The following SPATA18 variants were observed in gnomAD, a reference collection of about 807,000 sequenced individuals.
SPATA18 encodes spermatogenesis associated 18.
In SPATA18, 54 loss-of-function variants were observed where a neutral mutation model predicts 68.1. The ratio of observed to expected loss-of-function variants is 0.79; its 90% CI spans 0.64 to 0.99. SPATA18 has a LOEUF of 0.99. Ranked by LOEUF, SPATA18 falls within the 50% of genes least tolerant of loss-of-function variation. The pLI, the probability that SPATA18 is intolerant of heterozygous loss-of-function variation, is 0.00. For missense variants in SPATA18, 724 were observed against 681.1 expected (o/e 1.06, Z -0.70); for synonymous variants, 242 against 244.8 (o/e 0.99, Z 0.11).
At chr4:52,065,857 A>G (rs549784225) in intron 4 of SPATA18, among the ~76,000 whole-genome samples, 1 of 152,342 alleles carries the variant, frequency 6.6e-6, no homozygotes, top group East Asian at 1.9e-4. Context: ...ACCCCCAAGC[A>G]AGGGAAGATT....
chr4:52,085,529 G>T (rs1439901659), intron 11 of SPATA18, among the ~76,000 whole-genome samples: 8 of 152,106 alleles, frequency 5.3e-5, no homozygotes, highest in Non-Finnish European at 1.2e-4. Context: ...AAAAATAACA[G>T]CAAAAACATC....
In SPATA18 at chr4:52,076,767, G is replaced by T. The variant is rs770380541; in HGVS notation, c.759-12G>T. The T allele has an allele frequency of 4.2e-5, 67 of 1,609,346 alleles. No homozygotes were observed. Among genetic ancestry groups the T allele is most frequent in the Non-Finnish European group, 5.4e-5 (64 of 1,177,410 alleles). On this transcript the variant is annotated splice_polypyrimidine_tract_variant and intron_variant, in intron 6 of 12. Transcript: ENST00000295213. Reference sequence around the variant, plus strand: ...CAAAGGATTTCCCTGGCTGATTCTCGCTCACCAACAGGTCCTCCAGGAGCC... The same window carrying T: ...CAAAGGATTTCCCTGGCTGATTCTCTCTCACCAACAGGTCCTCCAGGAGCC...
chr4:52,070,617 T>C (rs1433112784), intron 5 of SPATA18, among the ~76,000 whole-genome samples: 1 of 152,034 alleles, frequency 6.6e-6, no homozygotes, highest in Non-Finnish European at 1.5e-5. Flanking sequence ...CACACCAACA[T>C]GGCACATGTA....
intron 11 of SPATA18, among the ~76,000 whole-genome samples, chr4:52,091,666 T>A (rs1426433982): frequency 6.6e-6 from 1 of 152,202 alleles, no homozygotes; most frequent in Non-Finnish European, 1.5e-5. Flanking sequence ...GAGGGGCACC[T>A]GCCAGATGCC....
chr4:52,089,248 T>A (rs544458976), intron 11 of SPATA18, among the ~76,000 whole-genome samples: 59 of 152,334 alleles, frequency 3.9e-4, no homozygotes, highest in African/African-American at 1.2e-3. Flanking sequence ...CCTGGATTCA[T>A]TGATTTTTTG....
intron 11 of SPATA18, among the ~76,000 whole-genome samples, chr4:52,090,398 T>C (rs1305081956): frequency 6.6e-6 from 1 of 152,208 alleles, no homozygotes; most frequent in East Asian, 1.9e-4. Context: ...CATTTTGGTT[T>C]GTTTTTGCAG....
In SPATA18 at chr4:52,060,809, T is replaced by G; in HGVS notation, c.221T>G (p.Ile74Ser). ...EGGRNDGVET[I>S]KSRLLPWLEA... ...GGACGTAATGATGGTGTGGAAACAATCAAGTCACGCCTTTTGCCTTGGCTG... is the reference window on the plus strand; with the variant it reads ...GGACGTAATGATGGTGTGGAAACAAGCAAGTCACGCCTTTTGCCTTGGCTG... The change falls in exon 3 of 13, where the codon ATC (isoleucine) becomes AGC (serine). Residue 74 changes from isoleucine to serine, a missense_variant. By Grantham distance (142) the Ile-to-Ser change is moderately radical. Coordinates refer to ENST00000295213, the MANE Select transcript of SPATA18 (RefSeq NM_145263.4). 6.2e-7 allele frequency: 1 copy of G among 1,614,088 alleles called. No homozygotes were observed. Among genetic ancestry groups the G allele is most frequent in the Non-Finnish European group, 8.5e-7 (1 of 1,179,958 alleles).
intron 11 of SPATA18, among the ~76,000 whole-genome samples, chr4:52,092,826 C>T (rs1428652844): frequency 5.3e-5 from 8 of 152,252 alleles, no homozygotes; most frequent in South Asian, 4.1e-4. Flanking sequence ...AGGAAGATCA[C>T]GAGACCATGT....
chr4:52,060,591 G>C, intron 2 of SPATA18, 67 bp downstream of exon 2: 1 of 1,488,460 alleles, frequency 6.7e-7, no homozygotes, highest in Non-Finnish European at 9.3e-7. Context: ...GTGCTTTTTT[G>C]TGTTCTTTGA....
intron 6 of SPATA18, 62 bp from the exon 7 acceptor site, chr4:52,076,717 T>C: frequency 6.3e-7 from 1 of 1,591,504 alleles, no homozygotes; most frequent in South Asian, 1.2e-5. Context: ...CACCAGATGA[T>C]CTTTGCTTTA....
intron 4 of SPATA18, among the ~76,000 whole-genome samples, chr4:52,063,006 G>A (rs1739016416): frequency 6.6e-6 from 1 of 152,314 alleles, no homozygotes; most frequent in East Asian, 1.9e-4. Flanking sequence ...AAAATTGTAT[G>A]TGGACTTTGG....
At chr4:52,051,978 T>C (rs1480397221) in intron 1 of SPATA18, among the ~76,000 whole-genome samples, 187 bp downstream of exon 1, 1 of 152,168 alleles carries the variant, frequency 6.6e-6, no homozygotes, top group East Asian at 1.9e-4. Context: ...TACATGCCCT[T>C]GTCTCAGAGC....
chr4:52,076,580 T>G (rs2109477289), intron 6 of SPATA18, among the ~76,000 whole-genome samples, 199 bp from the exon 7 acceptor site: 1 of 152,312 alleles, frequency 6.6e-6, no homozygotes, highest in African/African-American at 2.4e-5. Flanking sequence ...ATAGAAATTC[T>G]AGTTGCTTAT....
chr4:52,069,979 C>CA, intron 5 of SPATA18, 63 bp downstream of exon 5: 1 of 1,078,056 alleles, frequency 9.3e-7, no homozygotes, highest in Non-Finnish European at 1.3e-6. Context: ...TTTGGTGCTC[C>CA]ATTACAACAT....
At chr4:52,077,341 T>TCTCTTTCCCTCC (rs200287455) in intron 7 of SPATA18, among the ~76,000 whole-genome samples, 5,335 of 145,278 alleles carry the variant, frequency 0.037, 144 homozygotes, top group Middle Eastern at 0.11. Context: ...TCCCTTCCTT[T>TCTCTTTCCCTCC]CTCTTTCCCT....
intron 4 of SPATA18, among the ~76,000 whole-genome samples, chr4:52,064,215 A>G (rs1739133969): frequency 6.8e-6 from 1 of 146,066 alleles, no homozygotes; most frequent in South Asian, 2.2e-4. Flanking sequence ...TCTCTCCACC[A>G]ACCATTTGGA....
In SPATA18 at chr4:52,095,128, G is replaced by A; in HGVS notation, c.*241G>A. The A allele has an allele frequency of 1.8e-6, 1 of 557,228 alleles. No homozygotes were observed. Among genetic ancestry groups the A allele is most frequent in the South Asian group, 2.5e-5 (1 of 39,568 alleles). The allele number at this position is 557,228 out of a possible 1,614,324, so 34.5% of individuals were successfully genotyped here. A position where few individuals can be genotyped will look rare whatever the true frequency, so the allele number is the denominator to read the frequency against. ...TTAATTTCATAAAAATGATTGTATA[G>A]GCATTTAGGATCATATTCATTCGAA... On this transcript the variant is annotated 3_prime_UTR_variant, in exon 13 of 13. Transcript: ENST00000295213.
rs759178360 is a variant in SPATA18, at chr4:52,094,518, A to G, written c.1564-9A>G. The G allele has an allele frequency of 1.1e-5, 17 of 1,611,956 alleles. No individual in the cohort carries two copies. The highest frequency in any genetic ancestry group is 1.7e-6 in the Non-Finnish European group (2 of 1,178,688). On this transcript the variant is annotated splice_polypyrimidine_tract_variant and intron_variant, in intron 11 of 12. Coordinates refer to ENST00000295213, the MANE Select transcript of SPATA18 (RefSeq NM_145263.4). The stretch of plus-strand genomic sequence containing the variant: ...TATGTAATTCACATTATTCTTTTAT[A>G]TTTTCCAGATGTCTCGAAGTCGGAG...
At chr4:52,074,008 T>C (rs1021949617) in intron 6 of SPATA18, among the ~76,000 whole-genome samples, 8 of 152,216 alleles carry the variant, frequency 5.3e-5, no homozygotes, top group African/African-American at 1.9e-4. Context: ...AAGGCCAGTA[T>C]TTGCCAGTAT....
Sources: gnomAD v4.1 joint callset for allele counts (sites outside exome capture counted in the v4.1 genomes callset) on GRCh38, gnomAD v4.1.1 for gene constraint, MANE v1.5 for transcripts, NCBI Gene and HGNC (gene_info 2026-07-23, HGNC 2026-07-21) for gene names.